NCALD: variants seen among roughly 807,000 people sequenced by gnomAD.
NCALD encodes neurocalcin delta, also known as neurocalcin-delta.
NCALD carries 10 observed loss-of-function variants against 18.6 expected under a neutral mutation model. The ratio of observed to expected loss-of-function variants is 0.54; its 90% CI spans 0.33 to 0.91. The LOEUF (loss-of-function observed/expected upper bound fraction) is 0.91, where lower values mean the gene tolerates loss of function less well. NCALD is among the 40% of genes least tolerant of loss of function. The pLI, the probability that NCALD is intolerant of heterozygous loss-of-function variation, is 0.03. For missense variants in NCALD, 184 were observed against 247.6 expected (o/e 0.74, Z 1.72); for synonymous variants, 88 against 87.4 (o/e 1.01, Z -0.04).
chr8:101,778,252 A>G (rs1203086601), intron 1 of NCALD, among the ~76,000 whole-genome samples: 1 of 152,192 alleles, frequency 6.6e-6, no homozygotes, highest in Non-Finnish European at 1.5e-5. Flanking sequence ...TTCCTACGTA[A>G]CTGCCAAAGA....
intron 1 of NCALD, among the ~76,000 whole-genome samples, chr8:101,774,259 A>G (rs1811701570): frequency 6.6e-6 from 1 of 152,172 alleles, no homozygotes; most frequent in Non-Finnish European, 1.5e-5. Flanking sequence ...CATTCCCACA[A>G]AGCCAATGCT....
At chr8:101,833,610 GTTTTTTTTTTTT>G (rs555031298) in intron 4 of NCALD, among the ~76,000 whole-genome samples, 5 of 88,474 alleles carry the variant, frequency 5.7e-5, no homozygotes, top group Admixed American at 1.3e-4. Flanking sequence ...TTTGTTTCTT[GTTTTTTTTTTTT>G]TTTTTTTTTT....
chr8:102,117,087 T>C (rs1409894984), intron 1 of NCALD, among the ~76,000 whole-genome samples: 1 of 152,196 alleles, frequency 6.6e-6, no homozygotes, highest in Non-Finnish European at 1.5e-5. Flanking sequence ...AAGTCGCCCC[T>C]AGAATCCCTG....
At position 101,751,345 on chromosome 8, in the gene NCALD, G is replaced by A. The variant is rs115946472; in HGVS notation, c.-19-31697C>T. Reference sequence around the variant, plus strand: ...TTACCAGGGACTGGGATGTCGGGGCGTGGGGAAGGAGATGACTGGAGAGTT... The same window carrying A: ...TTACCAGGGACTGGGATGTCGGGGCATGGGGAAGGAGATGACTGGAGAGTT... On this transcript the variant is annotated intron_variant, in intron 1 of 3. Coordinates refer to ENST00000220931, the MANE Select transcript of NCALD (RefSeq NM_032041.3). Among the ~76,000 whole-genome samples, 225 of 152,264 alleles carry A rather than the reference G, an allele frequency of 1.5e-3. 1 individual carries two copies. Among genetic ancestry groups the A allele is most frequent in the African/African-American group, 4.7e-3 (196 of 41,552 alleles).
chr8:101,891,997 G>A (rs1019424027), intron 3 of NCALD, among the ~76,000 whole-genome samples: 2 of 152,174 alleles, frequency 1.3e-5, no homozygotes, highest in Admixed American at 6.5e-5. Context: ...AGCTCGAACT[G>A]GGTGGGGCCC....
chr8:101,781,608 A>G (rs1812015089), intron 1 of NCALD, among the ~76,000 whole-genome samples: 1 of 152,200 alleles, frequency 6.6e-6, no homozygotes, highest in African/African-American at 2.4e-5. Context: ...CTGGTTTAAA[A>G]TCTTTATGTG....
At chr8:102,068,567 A>G (rs927945287) in intron 1 of NCALD, among the ~76,000 whole-genome samples, 1 of 152,130 alleles carries the variant, frequency 6.6e-6, no homozygotes, top group Non-Finnish European at 1.5e-5. Context: ...CTGGCTACCC[A>G]GTTTAAAGTT....
intron 3 of NCALD, among the ~76,000 whole-genome samples, chr8:101,911,828 A>G (rs1817812048): frequency 6.6e-6 from 1 of 152,042 alleles, no homozygotes; most frequent in African/African-American, 2.4e-5. Context: ...GTTTGTAGTA[A>G]CCTCTGTGGA....
At chr8:102,001,998 A>G (rs1165263313) in intron 2 of NCALD, among the ~76,000 whole-genome samples, 1 of 152,220 alleles carries the variant, frequency 6.6e-6, no homozygotes, top group Non-Finnish European at 1.5e-5. Context: ...CTAACATCAT[A>G]ATGACAGGAT....
intron 1 of NCALD, among the ~76,000 whole-genome samples, chr8:101,764,316 G>C (rs923041739): frequency 6.6e-6 from 1 of 152,186 alleles, no homozygotes; most frequent in Non-Finnish European, 1.5e-5. Flanking sequence ...TGTCGAGATA[G>C]GAGGAAGCCA....
intron 1 of NCALD, among the ~76,000 whole-genome samples, chr8:101,756,811 G>T (rs1042213782): frequency 2.0e-5 from 3 of 152,060 alleles, no homozygotes; most frequent in African/African-American, 7.2e-5. Flanking sequence ...GTCTTGTTTT[G>T]CAATTATTAA....
At chr8:101,812,652 T>C (rs1163636690) in intron 4 of NCALD, among the ~76,000 whole-genome samples, 1 of 152,182 alleles carries the variant, frequency 6.6e-6, no homozygotes, top group Non-Finnish European at 1.5e-5. Flanking sequence ...AAAACGAAGA[T>C]GTATGACCCA....
intron 3 of NCALD, among the ~76,000 whole-genome samples, chr8:101,900,619 TATTTGAAAGTTTG>T (rs1817385481): frequency 6.6e-6 from 1 of 152,054 alleles, no homozygotes; most frequent in Non-Finnish European, 1.5e-5. Flanking sequence ...CTACAGATTC[TATTTGAAAGTTTG>T]TTGTTTATTT....
intron 1 of NCALD, among the ~76,000 whole-genome samples, chr8:102,118,652 A>G (rs1825858905): frequency 6.6e-6 from 1 of 152,214 alleles, no homozygotes; most frequent in East Asian, 1.9e-4. Context: ...AGAGATAGAC[A>G]TATTTTCAGT....
chr8:101,702,288 T>C (rs967134337), intron 2 of NCALD, among the ~76,000 whole-genome samples: 1 of 151,928 alleles, frequency 6.6e-6, no homozygotes, highest in Non-Finnish European at 1.5e-5. Flanking sequence ...TGGAATGCAG[T>C]GGCGTGATGA....
intron 1 of NCALD, among the ~76,000 whole-genome samples, chr8:101,760,390 T>C (rs552473050): frequency 2.0e-5 from 3 of 152,202 alleles, no homozygotes; most frequent in Admixed American, 2.0e-4. Context: ...AAGAAAAGGA[T>C]TGCCACAGGC....
At chr8:101,737,127 C>CT (rs74275422) in intron 1 of NCALD, among the ~76,000 whole-genome samples, 40 of 148,150 alleles carry the variant, frequency 2.7e-4, no homozygotes, top group Middle Eastern at 3.4e-3. Context: ...CTCAACAGTT[C>CT]TTTTTTTTTT....
rs563001755 is a variant in NCALD, at chr8:102,089,518, G to A, written c.-210+34719C>T. Among the ~76,000 whole-genome samples the A allele has an allele frequency of 3.9e-5, 6 of 152,174 alleles. No individual in the cohort carries two copies. In the East Asian group the frequency reaches 1.2e-3, roughly 29 times the overall value. ...GTGTGTGTGGTGTTTACATATGAAA[G>A]AGCTTTAATTGGCTTAAGAATAATA... On this transcript the variant is annotated intron_variant, in intron 1 of 6. Coordinates refer to the NCALD transcript ENST00000311028.
At chr8:101,952,085 G>A (rs1222009709) in intron 2 of NCALD, among the ~76,000 whole-genome samples, 1 of 152,152 alleles carries the variant, frequency 6.6e-6, no homozygotes, top group Non-Finnish European at 1.5e-5. Flanking sequence ...GCTCCTCTTG[G>A]AATCCCTGGA....
Sources: gnomAD v4.1 joint callset for allele counts (sites outside exome capture counted in the v4.1 genomes callset) on GRCh38, gnomAD v4.1.1 for gene constraint, MANE v1.5 for transcripts, NCBI Gene and HGNC (gene_info 2026-07-23, HGNC 2026-07-21) for gene names.